The following SUGCT variants were observed in gnomAD, a reference collection of about 807,000 sequenced individuals.
SUGCT encodes succinyl-CoA:glutarate-CoA transferase, also known as succinyl-CoA:glutarate CoA-transferase.
Under a neutral mutation model 55.0 loss-of-function variants are expected in SUGCT, and 41 were observed. The observed-to-expected ratio is 0.74, with a 90% confidence interval of 0.58 to 0.97. SUGCT has a LOEUF of 0.97. Ranked by LOEUF, SUGCT falls within the 50% of genes least tolerant of loss-of-function variation. SUGCT has a pLI of 0.00. For synonymous variants in SUGCT, 187 were observed against 200.4 expected (o/e 0.93, Z 0.56); for missense variants, 568 against 547.8 (o/e 1.04, Z -0.37).
intron 12 of SUGCT, among the ~76,000 whole-genome samples, chr7:40,736,198 T>C (rs1424104884): frequency 2.0e-5 from 3 of 147,292 alleles, no homozygotes; most frequent in Non-Finnish European, 4.5e-5. Flanking sequence ...TATCAATATA[T>C]AATATATCAA....
intron 1 of SUGCT, among the ~76,000 whole-genome samples, chr7:40,172,667 C>T (rs1471663750): frequency 1.3e-5 from 2 of 152,160 alleles, no homozygotes; most frequent in Non-Finnish European, 2.9e-5. Flanking sequence ...AGACTTCTGG[C>T]TGCACCATGA....
chr7:41,009,614 TCCATCCA>T, the SUGCT span, among the ~76,000 whole-genome samples: 6 of 151,634 alleles, frequency 4.0e-5, no homozygotes, highest in Middle Eastern at 0.014. Flanking sequence ...CATCCTTCCT[TCCATCCA>T]CCATCCACCC....
intron 5 of SUGCT, among the ~76,000 whole-genome samples, chr7:40,193,985 A>G (rs1786097773): frequency 6.6e-6 from 1 of 152,028 alleles, no homozygotes; most frequent in African/African-American, 2.4e-5. Flanking sequence ...TTTCTGTAAA[A>G]TTAAGGTTTA....
At position 40,303,424 on chromosome 7, in the gene SUGCT, C is replaced by A. The variant is rs189193742; in HGVS notation, c.721-13336C>A. On this transcript the variant is annotated intron_variant, in intron 8 of 13. Transcript: ENST00000335693. ...TCTCTTTGTAACTTCTTGTTTATTC[C>A]CTACAGTCTGTTCCCAGGACTTGTG... 3.0e-3 allele frequency among the ~76,000 whole-genome samples: 460 copies of A among 152,236 alleles called. 1 individual carries two copies. The highest frequency in any genetic ancestry group is 0.011 in the African/African-American group (445 of 41,548).
rs76234809 is a variant in SUGCT at position 40,309,789 on chromosome 7, C to A, written c.721-6971C>A. ...AGTGCTAAAAACAAAGCCCACACAG[C>A]GAGAGGGACACAGGTACCAATGGAG... On this transcript the variant is annotated intron_variant, in intron 8 of 13. Transcript: ENST00000335693. Among the ~76,000 whole-genome samples the A allele has an allele frequency of 6.6e-5, 10 of 151,324 alleles. No individual in the cohort carries two copies. In the East Asian group the frequency reaches 1.4e-3, roughly 21 times the overall value.
At chr7:40,587,319 TAAAC>T (rs1313804451) in intron 12 of SUGCT, among the ~76,000 whole-genome samples, 1 of 152,230 alleles carries the variant, frequency 6.6e-6, no homozygotes, top group Non-Finnish European at 1.5e-5. Context: ...AGTTGAATGA[TAAAC>T]AAAGACAGAC....
At chr7:40,907,096 AGTGT>A in the SUGCT span, among the ~76,000 whole-genome samples, 1,389 of 101,568 alleles carry the variant, frequency 0.014, 18 homozygotes, top group African/African-American at 0.026. Context: ...TTGTTCTGAT[AGTGT>A]GTGTGTGTGT....
At chr7:41,001,385 G>T in the SUGCT span, among the ~76,000 whole-genome samples, 1 of 152,126 alleles carries the variant, frequency 6.6e-6, no homozygotes, top group African/African-American at 2.4e-5. Context: ...GGTGACTAGA[G>T]ATATAGGGGG....
chr7:40,706,784 A>G (rs978198473), intron 12 of SUGCT, among the ~76,000 whole-genome samples: 1 of 152,200 alleles, frequency 6.6e-6, no homozygotes, highest in Non-Finnish European at 1.5e-5. Flanking sequence ...AGAAGAAACC[A>G]TAGCATTGAC....
rs192877754 is a variant in SUGCT, at chr7:40,570,326, A to G, written c.1089+73940A>G. ...GTGCCCATGCACTATCAGTTACTGT[A>G]TAAAGGGAGTCTTAAAGAGAGAAGG... On this transcript the variant is annotated intron_variant, in intron 12 of 13. Transcript: ENST00000335693. Among the ~76,000 whole-genome samples, 599 of 152,342 alleles carry G rather than the reference A, an allele frequency of 3.9e-3. 4 individuals carry two copies. The highest frequency in any genetic ancestry group is 0.014 in the African/African-American group (570 of 41,594).
chr7:40,155,367 G>T (rs975530588), intron 1 of SUGCT, among the ~76,000 whole-genome samples: 9 of 139,548 alleles, frequency 6.4e-5, no homozygotes, highest in African/African-American at 2.4e-4. Context: ...TTCTTCCAGT[G>T]AAAAAAAAAA....
intron 13 of SUGCT, among the ~76,000 whole-genome samples, chr7:40,800,905 C>G (rs932388988): frequency 3.9e-5 from 6 of 152,160 alleles, no homozygotes; most frequent in Non-Finnish European, 8.8e-5. Context: ...TTATTGCCAC[C>G]ATTTCAGAGA....
At position 40,860,296 on chromosome 7, in the gene SUGCT, C is replaced by A. The variant is rs780015351; in HGVS notation, c.1154-20C>A. 1 of 1,613,736 alleles carries A rather than the reference C, an allele frequency of 6.2e-7. No individual in the cohort carries two copies. The highest frequency in any genetic ancestry group is 8.5e-7 in the Non-Finnish European group (1 of 1,179,798). The stretch of plus-strand genomic sequence containing the variant: ...GGGTTAGTCATTAACAGGCTTCCTG[C>A]TTTCCTTCTCCTTTGGCAGGCCCAG... On this transcript the variant is annotated intron_variant, in intron 13 of 13. Transcript: ENST00000335693.
At chr7:40,266,957 A>G (rs1360028064) in intron 7 of SUGCT, among the ~76,000 whole-genome samples, 1 of 152,062 alleles carries the variant, frequency 6.6e-6, no homozygotes, top group Admixed American at 6.6e-5. Context: ...TGGAGGTTGC[A>G]GAGAGCTGAG....
chr7:40,445,125 G>A (rs1788743743), intron 9 of SUGCT, among the ~76,000 whole-genome samples: 1 of 151,558 alleles, frequency 6.6e-6, no homozygotes, highest in Admixed American at 6.6e-5. Context: ...ATTTGGTGCA[G>A]AAGGCAAGAA....
chr7:40,365,519 G>T (rs1172064323), intron 9 of SUGCT, among the ~76,000 whole-genome samples: 1 of 152,158 alleles, frequency 6.6e-6, no homozygotes, highest in African/African-American at 2.4e-5. Flanking sequence ...AAACCCCTTT[G>T]TCTCAGCCTA....
At chr7:40,767,855 C>T (rs947080213) in intron 13 of SUGCT, among the ~76,000 whole-genome samples, 2 of 152,108 alleles carry the variant, frequency 1.3e-5, no homozygotes, top group African/African-American at 4.8e-5. Context: ...AAGCCAAGAA[C>T]GAGATGGAAT....
At chr7:40,877,190 G>C in the SUGCT span, among the ~76,000 whole-genome samples, 1 of 152,150 alleles carries the variant, frequency 6.6e-6, no homozygotes, top group Non-Finnish European at 1.5e-5. Context: ...TTGAAACATA[G>C]CTTGTAATCA....
At chr7:40,225,707 AT>A (rs1322999360) in intron 6 of SUGCT, among the ~76,000 whole-genome samples, 1 of 152,102 alleles carries the variant, frequency 6.6e-6, no homozygotes, top group East Asian at 1.9e-4. Flanking sequence ...AATTGCTGGG[AT>A]TACAGGTGTG....
Sources: gnomAD v4.1 joint callset for allele counts (sites outside exome capture counted in the v4.1 genomes callset) on GRCh38, gnomAD v4.1.1 for gene constraint, MANE v1.5 for transcripts, NCBI Gene and HGNC (gene_info 2026-07-23, HGNC 2026-07-21) for gene names.